C5orf22: variants seen among roughly 807,000 people sequenced by gnomAD.
C5orf22 encodes the protein chromosome 5 open reading frame 22.
A neutral mutation model predicts 48.7 loss-of-function variants in C5orf22; 36 were observed. The observed-to-expected ratio is 0.74, with a 90% CI of 0.57 to 0.98. C5orf22 has a LOEUF of 0.98. C5orf22 is among the 50% of genes least tolerant of loss of function. C5orf22 has a pLI of 0.00. For missense variants in C5orf22, 486 were observed against 521.9 expected (o/e 0.93, Z 0.67); for synonymous variants, 141 against 180.8 (o/e 0.78, Z 1.76).
At chr5:31,535,506 A>C (rs1742015522) in intron 2 of C5orf22, among the ~76,000 whole-genome samples, 1 of 152,238 alleles carries the variant, frequency 6.6e-6, no homozygotes, top group African/African-American at 2.4e-5. Context: ...ATGTTGGAAC[A>C]TCAACCCACC....
rs1038476831 is a variant in C5orf22 at position 31,553,557 on chromosome 5, C to A, written c.*655C>A. 1 of 151,638 alleles carries A rather than the reference C, an allele frequency of 6.6e-6. No individual in the cohort carries two copies. Among genetic ancestry groups the A allele is most frequent in the Non-Finnish European group, 1.5e-5 (1 of 67,982 alleles). 9.4% of individuals were successfully genotyped at this position (151,638 alleles called of 1,614,324 possible). On this transcript the variant is annotated 3_prime_UTR_variant, in exon 9 of 9. Coordinates refer to ENST00000325366, the MANE Select transcript of C5orf22 (RefSeq NM_018356.3). Reference sequence around the variant, plus strand: ...TGGGCACAAGCAATCCACCTGCCTTCGCCTCCCGAAGTGCTGGGATTACAG... The same window carrying A: ...TGGGCACAAGCAATCCACCTGCCTTAGCCTCCCGAAGTGCTGGGATTACAG...
Position 31,538,508 on chromosome 5 carries a change from A to G in C5orf22, c.626A>G (p.Gln209Arg), listed in dbSNP as rs746762910. The G allele has an allele frequency of 6.2e-7, 1 of 1,614,214 alleles. No homozygotes were observed. Among genetic ancestry groups the G allele is most frequent in the Non-Finnish European group, 8.5e-7 (1 of 1,180,030 alleles). The change falls in exon 4 of 9, where the codon CAG becomes CGG. Residue 209 changes from glutamine (Q) to arginine (R), a missense_variant. Coordinates refer to ENST00000325366, the MANE Select transcript of C5orf22 (RefSeq NM_018356.3). ...GGACTGGAAAAGGACACAGCAACACAGAGAAGTGACCAGACTTGCCTAGAA... is the reference window on the plus strand; with the variant it reads ...GGACTGGAAAAGGACACAGCAACACGGAGAAGTGACCAGACTTGCCTAGAA... ...SEGLEKDTAT[Q>R]RSDQTCLEPS...
chr5:31,546,552 A>G (rs567102432), intron 7 of C5orf22, among the ~76,000 whole-genome samples: 11 of 152,376 alleles, frequency 7.2e-5, no homozygotes, highest in African/African-American at 2.6e-4. Context: ...TGATAAAGAC[A>G]TACCTGAGAC....
chr5:31,534,320 AGTAAT>A lies in C5orf22; in HGVS notation c.135_139del (p.Asn45LysfsTer24). The A allele has an allele frequency of 6.2e-7, 1 of 1,613,748 alleles. No individual in the cohort carries two copies. The highest frequency in any genetic ancestry group is 8.5e-7 in the Non-Finnish European group (1 of 1,179,662). ...CATAGGCTCAAAGCATCTTCCTGCC[AGTAAT>A]GTAAGTTTTTTACATTTCGACTCAC... is the stretch of plus-strand genomic sequence containing the variant. On this transcript the variant is annotated frameshift_variant, in exon 2 of 9. Coordinates refer to ENST00000325366, the MANE Select transcript of C5orf22 (RefSeq NM_018356.3). LOFTEE classifies it high-confidence loss of function.
chr5:31,542,986 C>A (rs1372773630), intron 6 of C5orf22, among the ~76,000 whole-genome samples: 1 of 152,170 alleles, frequency 6.6e-6, no homozygotes, highest in Non-Finnish European at 1.5e-5. Flanking sequence ...AAAAATAATT[C>A]AGCAGATCTC....
At chr5:31,547,740 C>T (rs1274762575) in intron 7 of C5orf22, among the ~76,000 whole-genome samples, 1 of 152,216 alleles carries the variant, frequency 6.6e-6, no homozygotes, top group African/African-American at 2.4e-5. Flanking sequence ...CTAGGCTGTA[C>T]ACAGCACTGG....
intron 7 of C5orf22, among the ~76,000 whole-genome samples, chr5:31,550,961 A>T (rs984638242): frequency 5.3e-5 from 8 of 152,242 alleles, no homozygotes; most frequent in Admixed American, 4.6e-4. Context: ...ATTATTCTAA[A>T]AAGAGGCATC....
intron 3 of C5orf22, among the ~76,000 whole-genome samples, chr5:31,537,454 G>A (rs1048190718): frequency 9.2e-5 from 14 of 152,196 alleles, no homozygotes; most frequent in African/African-American, 3.1e-4. Context: ...GTTTTACTAT[G>A]TCATTAATCT....
At chr5:31,535,308 G>T (rs1392329299) in intron 2 of C5orf22, among the ~76,000 whole-genome samples, 3 of 152,186 alleles carry the variant, frequency 2.0e-5, no homozygotes, top group African/African-American at 7.2e-5. Flanking sequence ...TATGTAGCAG[G>T]AGAGCTTTCT....
At position 31,551,411 on chromosome 5, in the gene C5orf22, C is replaced by G; in HGVS notation, c.1178C>G (p.Pro393Arg). The change falls in exon 8 of 9, where the codon CCT (proline) becomes CGT (arginine). Residue 393 changes from proline (P) to arginine (R), a missense_variant. Coordinates refer to ENST00000325366, the MANE Select transcript of C5orf22 (RefSeq NM_018356.3). ...TATTTGCTGAAAAATTTACCAAATC[C>G]TACTCTTGTGACAATTGCAAGGTAA... ...VHYLLKNLPN[P>R]TLVTIARSSL... The G allele has an allele frequency of 1.9e-6, 3 of 1,611,946 alleles. No individual in the cohort carries two copies. Among genetic ancestry groups the G allele is most frequent in the Non-Finnish European group, 2.5e-6 (3 of 1,179,444 alleles).
intron 6 of C5orf22, among the ~76,000 whole-genome samples, chr5:31,542,796 T>C (rs1475271765): frequency 2.0e-5 from 3 of 152,194 alleles, no homozygotes; most frequent in Admixed American, 6.5e-5. Context: ...CCCATGAGCA[T>C]AGGAAAACCA....
chr5:31,533,250 G>C (rs1427675868), intron 1 of C5orf22, among the ~76,000 whole-genome samples: 1 of 146,788 alleles, frequency 6.8e-6, no homozygotes, highest in African/African-American at 2.5e-5. Context: ...TACTGCGCAC[G>C]GCCCATATTG....
chr5:31,535,455 A>C (rs1393863989), intron 2 of C5orf22, among the ~76,000 whole-genome samples: 1 of 152,260 alleles, frequency 6.6e-6, no homozygotes, highest in Non-Finnish European at 1.5e-5. Flanking sequence ...GTAATGAAGA[A>C]TATAGTAACT....
At chr5:31,540,817 C>T in intron 4 of C5orf22, 132 bp from the exon 5 acceptor site, 1 of 670,716 alleles carries the variant, frequency 1.5e-6, no homozygotes, top group South Asian at 1.8e-5. Context: ...CTGATTCTCC[C>T]ATACATACCT....
In C5orf22 at chr5:31,538,624, T is replaced by C. The variant is rs1315461728; in HGVS notation, c.742T>C (p.Phe248Leu). The part of the protein sequence containing the change: ...ILEILKKGKA[F>L]VLDIDLDFFS... ...GGAAATTTTGAAGAAAGGGAAGGCA[T>C]TTGTTTTAGATATTGACTTGGATTT... is the stretch of plus-strand genomic sequence containing the variant. The change falls in exon 4 of 9, where the codon TTT (phenylalanine) becomes CTT (leucine). Residue 248 changes from phenylalanine (F) to leucine (L), a missense_variant. Physicochemically the swap from Phe to Leu is conservative, Grantham distance 22 (BLOSUM62 0). Around this residue, in one of 3 missense-constraint regions of C5orf22, gnomAD observed 408 missense variants for 444.0 expected, o/e 0.92. Coordinates refer to ENST00000325366, the MANE Select transcript of C5orf22 (RefSeq NM_018356.3). The C allele has an allele frequency of 1.1e-5, 17 of 1,613,944 alleles. No homozygotes were observed. The highest frequency in any genetic ancestry group is 1.0e-4 in the Admixed American group (6 of 59,984).
At chr5:31,533,763 G>T in intron 1 of C5orf22, among the ~76,000 whole-genome samples, 1 of 151,968 alleles carries the variant, frequency 6.6e-6, no homozygotes, top group South Asian at 2.1e-4. Flanking sequence ...TTAGCTGGGC[G>T]TAGTGGTGCG....
intron 7 of C5orf22, among the ~76,000 whole-genome samples, chr5:31,546,512 TA>T (rs1742890444): frequency 6.6e-6 from 1 of 152,214 alleles, no homozygotes; most frequent in African/African-American, 2.4e-5. Context: ...TGGTACTCTT[TA>T]AAATAAGAGA....
chr5:31,551,540 T>G, intron 8 of C5orf22, 108 bp downstream of exon 8: 1 of 834,176 alleles, frequency 1.2e-6, no homozygotes, highest in South Asian at 1.8e-5. Context: ...GCAGTGTGAT[T>G]AACTCAAGGA....
At chr5:31,536,005 C>T (rs879173353) in intron 3 of C5orf22, 112 bp downstream of exon 3, 4 of 1,020,964 alleles carry the variant, frequency 3.9e-6, no homozygotes, top group South Asian at 3.2e-5. Flanking sequence ...GATTAAGCCT[C>T]GACTTCTCCA....
Sources: gnomAD v4.1 joint callset for allele counts (sites outside exome capture counted in the v4.1 genomes callset) on GRCh38, gnomAD v4.1.1 for gene constraint, gnomAD v4.1.1 regional missense constraint, MANE v1.5 for transcripts, NCBI Gene and HGNC (gene_info 2026-07-23, HGNC 2026-07-21) for gene names.